The following FER1L6 variants were observed in gnomAD, a reference collection of about 807,000 sequenced individuals.
FER1L6 encodes fer-1-like protein 6.
A neutral mutation model predicts 219.2 loss-of-function variants in FER1L6; 177 were observed. The ratio of observed to expected loss-of-function variants is 0.81; its 90% confidence interval spans 0.71 to 0.91. The LOEUF is 0.91. Among genes scored for constraint, FER1L6 ranks in the 40% least tolerant of loss-of-function variants. The probability of loss-of-function intolerance (pLI) is 0.00; values close to 1 mark genes in which losing one functional copy is unlikely to be tolerated. For missense variants in FER1L6, 2,153 were observed against 2,259.9 expected, an observed-to-expected ratio of 0.95 and a Z score of 0.96; for synonymous variants, 768 against 824.3, an observed-to-expected ratio of 0.93 and a Z score of 1.17.
At chr8:124,077,516 C>T (rs1217838470) in intron 32 of FER1L6, among the ~76,000 whole-genome samples, 1 of 152,152 alleles carries the variant, frequency 6.6e-6, no homozygotes, top group Non-Finnish European at 1.5e-5. Flanking sequence ...CTTGCCTGTC[C>T]AGATTAATGA....
At position 124,003,289 on chromosome 8, in the gene FER1L6, C is replaced by A; in HGVS notation, c.1642C>A (p.Pro548Thr). The A allele has an allele frequency of 1.2e-6, 2 of 1,613,940 alleles. No homozygotes were observed. Among genetic ancestry groups the A allele is most frequent in the Non-Finnish European group, 1.7e-6 (2 of 1,179,974 alleles). ...GCAAGGGGATGTGGCCCATGATGTTCCCATTCCTATGGCCTCCACCACTCA... is the reference window on the plus strand; with the variant it reads ...GCAAGGGGATGTGGCCCATGATGTTACCATTCCTATGGCCTCCACCACTCA... ...EGQGDVAHDV[P>T]IPMASTTHPE... is the part of the protein sequence containing the mutation. The change falls in exon 13 of 41, where the codon CCC (proline) becomes ACC (threonine). Residue 548 changes from proline to threonine, a missense_variant. By Grantham distance (38) the Pro-to-Thr change is conservative. Coordinates refer to ENST00000522917, the MANE Select transcript of FER1L6 (RefSeq NM_001039112.2).
intron 12 of FER1L6, among the ~76,000 whole-genome samples, chr8:123,987,342 T>A (rs1563726831): frequency 6.6e-6 from 1 of 152,096 alleles, no homozygotes; most frequent in Non-Finnish European, 1.5e-5. Context: ...TATTCAGATC[T>A]TTCACCTATT....
At chr8:124,017,582 G>A (rs1177549829) in intron 15 of FER1L6, 46 bp from the exon 16 acceptor site, 4 of 1,408,328 alleles carry the variant, frequency 2.8e-6, no homozygotes, top group Admixed American at 1.7e-5. Flanking sequence ...TTATATAAAT[G>A]GATTTTCACT....
intron 1 of FER1L6, among the ~76,000 whole-genome samples, chr8:123,867,257 T>C (rs1006890245): frequency 6.6e-6 from 1 of 152,248 alleles, no homozygotes; most frequent in Admixed American, 6.5e-5. Flanking sequence ...TGTGACATTT[T>C]CATTTAGGAC....
intron 1 of FER1L6, among the ~76,000 whole-genome samples, chr8:123,922,495 C>T (rs1261417830): frequency 6.6e-6 from 1 of 152,166 alleles, no homozygotes; most frequent in Non-Finnish European, 1.5e-5. Flanking sequence ...TGCCTGGGCC[C>T]GGACTTTGTG....
chr8:123,949,756 A>G (rs1814673558), intron 1 of FER1L6, among the ~76,000 whole-genome samples: 1 of 152,214 alleles, frequency 6.6e-6, no homozygotes. Context: ...ACCCAAAGGA[A>G]GAAAGACCAC....
At chr8:124,042,433 T>A (rs1414551654) in intron 20 of FER1L6, among the ~76,000 whole-genome samples, 4 of 152,238 alleles carry the variant, frequency 2.6e-5, no homozygotes, top group African/African-American at 9.6e-5. Flanking sequence ...AGCCCAAAGC[T>A]GGATGTTATT....
chr8:123,999,672 AC>A (rs1441198220), intron 12 of FER1L6, among the ~76,000 whole-genome samples: 1 of 151,468 alleles, frequency 6.6e-6, no homozygotes, highest in South Asian at 2.1e-4. Context: ...CAAAACAAAA[AC>A]AAAAACAAAA....
Position 123,981,648 on chromosome 8 carries a change from G to A in FER1L6, c.1410+837G>A, listed in dbSNP as rs144314346. 2.7e-3 allele frequency among the ~76,000 whole-genome samples: 412 copies of A among 152,258 alleles called. 2 individuals carry two copies. The highest frequency in any genetic ancestry group is 9.3e-3 in the African/African-American group (385 of 41,540). ...TATAGCAGCAGGTCACCTTAGCCTT[G>A]GAAGAGGCATTTGTTTTGATTGCTG... On this transcript the variant is annotated intron_variant, in intron 11 of 40. Transcript: ENST00000522917.
chr8:124,038,105 G>C (rs1819299157), intron 19 of FER1L6, among the ~76,000 whole-genome samples: 1 of 152,162 alleles, frequency 6.6e-6, no homozygotes, highest in East Asian at 1.9e-4. Flanking sequence ...GACTACAGCT[G>C]TCTGTGTCCC....
chr8:124,068,936 CTTTTTTT>C (rs528179923), intron 28 of FER1L6, among the ~76,000 whole-genome samples: 1 of 139,508 alleles, frequency 7.2e-6, no homozygotes, highest in Non-Finnish European at 1.6e-5. Flanking sequence ...GTTACTATTT[CTTTTTTT>C]TTTTTTTTTC....
intron 1 of FER1L6, among the ~76,000 whole-genome samples, chr8:123,895,660 G>A (rs1366180134): frequency 1.3e-5 from 2 of 152,088 alleles, no homozygotes; most frequent in Admixed American, 6.5e-5. Context: ...AGTAACTTGT[G>A]CTAATGGAGA....
At chr8:123,922,974 C>T (rs191064137) in intron 1 of FER1L6, among the ~76,000 whole-genome samples, 214 of 56,664 alleles carry the variant, frequency 3.8e-3, no homozygotes, top group African/African-American at 0.015. Context: ...TTTATACAGC[C>T]CCCCCCCAGA....
chr8:123,961,114 C>T lies in FER1L6; in HGVS notation c.77-2164C>T, dbSNP rs150446421. ...AAAAAAATATTAACAAGAAAAAATT[C>T]ACCGGTTGTGGTGGAGTGTGCTTGC... is the stretch of plus-strand genomic sequence containing the variant. On this transcript the variant is annotated intron_variant, in intron 2 of 40. Transcript: ENST00000522917. Among the ~76,000 whole-genome samples, 292 of 152,122 alleles carry T rather than the reference C, an allele frequency of 1.9e-3. 2 individuals are homozygous for T. The highest frequency in any genetic ancestry group is 0.014 in the Middle Eastern group (4 of 294).
At chr8:124,035,043 A>C (rs1258092606) in intron 18 of FER1L6, among the ~76,000 whole-genome samples, 1 of 152,192 alleles carries the variant, frequency 6.6e-6, no homozygotes, top group African/African-American at 2.4e-5. Context: ...AGCTTATCAC[A>C]GTGCAGGTTT....
chr8:123,905,244 C>A (rs1433324295), intron 1 of FER1L6, among the ~76,000 whole-genome samples: 1 of 152,164 alleles, frequency 6.6e-6, no homozygotes, highest in Admixed American at 6.5e-5. Context: ...CTCCCCCCAA[C>A]ACCCCTGGCA....
intron 18 of FER1L6, among the ~76,000 whole-genome samples, chr8:124,029,248 A>T (rs1257106413): frequency 6.6e-6 from 1 of 152,216 alleles, no homozygotes; most frequent in Non-Finnish European, 1.5e-5. Flanking sequence ...ATACGTGTGC[A>T]TGTGTCTTTA....
intron 17 of FER1L6, among the ~76,000 whole-genome samples, chr8:124,022,929 T>G (rs1818521412): frequency 6.6e-6 from 1 of 151,364 alleles, no homozygotes; most frequent in Non-Finnish European, 1.5e-5. Context: ...ATTTTTTTTT[T>G]TGAGATGGAG....
At chr8:124,003,093 GGATC>G (rs1378110131) in intron 12 of FER1L6, 70 bp from the exon 13 acceptor site, 2 of 1,298,520 alleles carry the variant, frequency 1.5e-6, no homozygotes, top group Non-Finnish European at 2.2e-6. Flanking sequence ...ACATGAGTTT[GGATC>G]CTTTATGCCA....
Sources: allele counts gnomAD v4.1 joint callset (sites outside exome capture counted in the v4.1 genomes callset), GRCh38; gene constraint gnomAD v4.1.1; transcripts MANE v1.5; gene names NCBI Gene and HGNC (gene_info 2026-07-23, HGNC 2026-07-21).